The following ZNF124 variants were observed in gnomAD, a reference collection of about 807,000 sequenced individuals.
ZNF124 encodes zinc finger protein 124.
ZNF124 carries 25 observed loss-of-function variants against 26.6 expected under a neutral mutation model. The ratio of observed to expected loss-of-function variants is 0.94; its 90% CI spans 0.68 to 1.31. The LOEUF is 1.31. ZNF124 is among the 40% of genes most tolerant of loss of function. The probability of loss-of-function intolerance (pLI) is 0.00; values close to 1 mark genes in which losing one functional copy is unlikely to be tolerated. For synonymous variants in ZNF124, 129 were observed against 133.3 expected, an observed-to-expected ratio of 0.97 and a Z score of 0.22; for missense variants, 444 against 422.2, an observed-to-expected ratio of 1.05 and a Z score of -0.45.
rs115169518 is a variant in ZNF124 at position 247,131,303 on chromosome 1, C to T, written c.219-7432G>A. Among the ~76,000 whole-genome samples, 383 of 152,286 alleles carry T rather than the reference C, an allele frequency of 2.5e-3. 4 individuals carry two copies. Among genetic ancestry groups the T allele is most frequent in the African/African-American group, 8.6e-3 (358 of 41,562 alleles). On this transcript the variant is annotated intron_variant, in intron 3 of 3. Transcript: ENST00000472531. The stretch of plus-strand genomic sequence containing the variant: ...AAACTGCTATTTCCATGGAGCTGTG[C>T]AACCCACGGATTGGAAGATCCCACT...
intron 3 of ZNF124, among the ~76,000 whole-genome samples, chr1:247,124,992 A>T (rs1037275631): frequency 3.9e-5 from 6 of 151,978 alleles, no homozygotes; most frequent in Non-Finnish European, 8.8e-5. Flanking sequence ...TTTTTAGTAC[A>T]GACGAGCTCT....
Position 247,159,073 on chromosome 1 carries a change from T to C in ZNF124, c.158-7A>G. On this transcript the variant is annotated splice_polypyrimidine_tract_variant and splice_region_variant and intron_variant, in intron 2 of 3. Transcript: ENST00000543802. ...TGGTCTTCCCCTTTGTTTCCTAAAA[T>C]GTAGACCCAGAAATATATTACAAAT... 6.2e-7 allele frequency: 1 copy of C among 1,609,114 alleles called. No individual in the cohort carries two copies. The highest frequency in any genetic ancestry group is 8.5e-7 in the Non-Finnish European group (1 of 1,178,232).
chr1:247,157,355 G>A lies in ZNF124; in HGVS notation c.267C>T (p.Cys89=), dbSNP rs757863607. 8.7e-5 allele frequency: 135 copies of A among 1,555,542 alleles called. No individual in the cohort carries two copies. Among genetic ancestry groups the A allele is most frequent in the Admixed American group, 9.8e-5 (5 of 51,254 alleles). Residue 89 remains cysteine, a synonymous_variant, in exon 4 of 4, where the codon TGC becomes TGT. Transcript: ENST00000543802. ...SGNNPYGCEE[C]GKKPCTCKQC... ...GTTTACATGTACATGGCTTCTTTCCGCATTCCTCACACCCATATGGGTTGT... is the reference window on the plus strand; with the variant it reads ...GTTTACATGTACATGGCTTCTTTCCACATTCCTCACACCCATATGGGTTGT...
chr1:247,167,062 A>G (rs979692167), intron 1 of ZNF124, among the ~76,000 whole-genome samples: 18 of 152,248 alleles, frequency 1.2e-4, no homozygotes, highest in African/African-American at 4.1e-4. Flanking sequence ...GGATGCAGGA[A>G]AAGTATTTGG....
chr1:247,142,809 G>T (rs1572066465), intron 3 of ZNF124, among the ~76,000 whole-genome samples: 1 of 147,352 alleles, frequency 6.8e-6, no homozygotes, highest in African/African-American at 2.5e-5. Flanking sequence ...CTTATGTATT[G>T]TAGAAGATTT....
At chr1:247,136,302 T>G (rs1001678953) in intron 3 of ZNF124, among the ~76,000 whole-genome samples, 4 of 152,218 alleles carry the variant, frequency 2.6e-5, no homozygotes, top group Non-Finnish European at 4.4e-5. Context: ...CAGCAAAGTC[T>G]CAGGATACAA....
At chr1:247,169,803 T>G (rs1673995137) in intron 1 of ZNF124, among the ~76,000 whole-genome samples, 1 of 104,202 alleles carries the variant, frequency 9.6e-6, no homozygotes, top group Non-Finnish European at 2.1e-5. Context: ...ATAACGGGGG[T>G]AAGAGAAGAA....
chr1:247,144,129 G>A (rs1672701214), intron 3 of ZNF124, among the ~76,000 whole-genome samples: 2 of 152,246 alleles, frequency 1.3e-5, no homozygotes, highest in South Asian at 4.1e-4. Flanking sequence ...GGGTGATTCA[G>A]AAAGACAAAA....
At chr1:247,150,870 T>C (rs896608194), downstream of ZNF124, among the ~76,000 whole-genome samples, 2 of 149,736 alleles carry the variant, frequency 1.3e-5, no homozygotes, top group South Asian at 4.1e-4. Flanking sequence ...AAAAAATATT[T>C]AATATACTGG....
Position 247,156,281 on chromosome 1 carries a change from A to G in ZNF124, c.*285T>C. 9.0e-7 allele frequency: 1 copy of G among 1,117,226 alleles called. No individual in the cohort carries two copies. The highest frequency in any genetic ancestry group is 4.5e-5 in the Admixed American group (1 of 21,992). 69.2% of individuals were successfully genotyped at this position (1,117,226 alleles called of 1,614,324 possible). ...ATAAAGTTTTTCTCTAGAATGAGTT[A>G]TGTTATACCATCAAATACCACTGGA... On this transcript the variant is annotated 3_prime_UTR_variant, in exon 4 of 4. Transcript: ENST00000543802.
chr1:247,144,056 G>A (rs1672698671), intron 3 of ZNF124, among the ~76,000 whole-genome samples: 1 of 152,148 alleles, frequency 6.6e-6, no homozygotes, highest in African/African-American at 2.4e-5. Context: ...CCTACCATCT[G>A]CTCCAATACT....
At position 247,168,285 on chromosome 1, in the gene ZNF124, T is replaced by C. The variant is rs547985168; in HGVS notation, c.30+3563A>G. Among the ~76,000 whole-genome samples, 24 of 152,268 alleles carry C rather than the reference T, an allele frequency of 1.6e-4. No individual in the cohort carries two copies. The highest frequency in any genetic ancestry group is 1.4e-3 in the Admixed American group (21 of 15,302). Reference sequence around the variant, plus strand: ...GGCTCATGCCTGCAATCCCAGCACTTTGGGAGGCTGAGGCAGGTGGATAAC... The same window carrying C: ...GGCTCATGCCTGCAATCCCAGCACTCTGGGAGGCTGAGGCAGGTGGATAAC... On this transcript the variant is annotated intron_variant, in intron 1 of 3. Transcript: ENST00000543802. The surrounding 1 kb of genome is among the most constrained non-coding windows in gnomAD (Gnocchi z 4.0).
In ZNF124 at chr1:247,156,686, A is replaced by G; in HGVS notation, c.936T>C (p.His312=). The change falls in exon 4 of 4, where the codon CAT becomes CAC. Residue 312 remains histidine, a synonymous_variant. Coordinates refer to ENST00000543802, the MANE Select transcript of ZNF124 (RefSeq NM_001297568.2). ...SSSLRDHERT[H]TGEKPYECQK... is the part of the protein sequence containing the mutation. ...GACATTCATAGGGTTTCTCTCCAGTATGAGTCCTTTCATGGTCACGAAGGG... is the reference window on the plus strand; with the variant it reads ...GACATTCATAGGGTTTCTCTCCAGTGTGAGTCCTTTCATGGTCACGAAGGG... The G allele has an allele frequency of 6.2e-7, 1 of 1,613,770 alleles. No homozygotes were observed. The highest frequency in any genetic ancestry group is 1.1e-5 in the South Asian group (1 of 91,024).
chr1:247,127,576 GT>G (rs1295422956), intron 3 of ZNF124, among the ~76,000 whole-genome samples: 3 of 139,086 alleles, frequency 2.2e-5, no homozygotes, highest in African/African-American at 7.8e-5. Context: ...CCTGGGCCTG[GT>G]TACAGATTGA....
At chr1:247,161,524 A>G (rs1278879562) in intron 1 of ZNF124, among the ~76,000 whole-genome samples, 2 of 152,144 alleles carry the variant, frequency 1.3e-5, no homozygotes, top group Admixed American at 1.3e-4. Flanking sequence ...AACAATAGAG[A>G]CTGACAAATT....
At chr1:247,165,434 G>A (rs1041795369) in intron 1 of ZNF124, among the ~76,000 whole-genome samples, 1 of 151,972 alleles carries the variant, frequency 6.6e-6, no homozygotes, top group African/African-American at 2.4e-5. Flanking sequence ...AGACTTAAAT[G>A]TAAAAATTTA....
At chr1:247,143,240 TATATATAATAATACTA>T (rs1223803168) in intron 3 of ZNF124, among the ~76,000 whole-genome samples, 2 of 152,130 alleles carry the variant, frequency 1.3e-5, no homozygotes, top group Non-Finnish European at 2.9e-5. Context: ...CAAATGCCTA[TATATATAATAATACTA>T]AGTTACAATT....
intron 3 of ZNF124, among the ~76,000 whole-genome samples, chr1:247,141,585 G>A (rs987950456): frequency 6.6e-6 from 1 of 152,112 alleles, no homozygotes; most frequent in Non-Finnish European, 1.5e-5. Flanking sequence ...CTATTACTGT[G>A]GCAATGGCAG....
chr1:247,130,502 A>C (rs1248666204), intron 3 of ZNF124, among the ~76,000 whole-genome samples: 1 of 152,156 alleles, frequency 6.6e-6, no homozygotes, highest in Non-Finnish European at 1.5e-5. Context: ...ACAGTGGATG[A>C]CTCTGTTTCC....
Sources: gnomAD v4.1 joint callset for allele counts (sites outside exome capture counted in the v4.1 genomes callset) on GRCh38, gnomAD v4.1.1 for gene constraint, Gnocchi (gnomAD v3.1) non-coding constraint, MANE v1.5 for transcripts, NCBI Gene and HGNC (gene_info 2026-07-23, HGNC 2026-07-21) for gene names.